EARS2: variants seen among roughly 807,000 people sequenced by gnomAD.
The protein encoded by EARS2 is glutamyl-tRNA synthetase 2, mitochondrial.
Under a neutral mutation model 54.1 loss-of-function variants are expected in EARS2, and 50 were observed. The ratio of observed to expected loss-of-function variants is 0.92; its 90% confidence interval spans 0.74 to 1.17. The LOEUF (loss-of-function observed/expected upper bound fraction) is 1.17, where lower values mean the gene tolerates loss of function less well. Ranked by LOEUF, EARS2 falls within the 50% of genes most tolerant of loss-of-function variation. EARS2 has a pLI of 0.00. For synonymous variants in EARS2, 298 were observed against 281.0 expected (o/e 1.06, Z -0.61); for missense variants, 673 against 675.0 (o/e 1.00, Z 0.03).
chr16:23,543,442 A>C lies in EARS2; in HGVS notation c.485+1072T>G, dbSNP rs536304462. Reference sequence around the variant, plus strand: ...AAAAAAACAACAACAACAACAACAAAAAAAAAACCAAAAAACCTGATCTGG... The same window carrying C: ...AAAAAAACAACAACAACAACAACAACAAAAAAACCAAAAAACCTGATCTGG... On this transcript the variant is annotated intron_variant, in intron 3 of 8. Transcript: ENST00000449606. Among the ~76,000 whole-genome samples the C allele has an allele frequency of 2.5e-3, 373 of 151,460 alleles. 3 individuals carry two copies. In the South Asian group the frequency reaches 0.033, roughly 14 times the overall value.
intron 3 of EARS2, among the ~76,000 whole-genome samples, chr16:23,541,579 T>C (rs1965512926): frequency 6.6e-6 from 1 of 152,210 alleles, no homozygotes; most frequent in Admixed American, 6.5e-5. Flanking sequence ...GTATATGTAC[T>C]GAATGTCTCT....
chr16:23,543,050 G>A (rs559286552), intron 3 of EARS2, among the ~76,000 whole-genome samples: 36 of 144,690 alleles, frequency 2.5e-4, no homozygotes, highest in Non-Finnish European at 3.7e-4. Context: ...GGGAGGTGGA[G>A]ACTGCAGTAA....
intron 3 of EARS2, among the ~76,000 whole-genome samples, chr16:23,537,708 G>A (rs1965444570): frequency 6.6e-6 from 1 of 151,886 alleles, no homozygotes; most frequent in Admixed American, 6.6e-5. Flanking sequence ...GAGCAGCTAG[G>A]ACTACAGGTA....
intron 7 of EARS2, among the ~76,000 whole-genome samples, chr16:23,528,933 C>A (rs1453925469): frequency 6.6e-6 from 1 of 152,164 alleles, no homozygotes; most frequent in African/African-American, 2.4e-5. Flanking sequence ...ACCTGATACA[C>A]AGCCTCTGCA....
intron 2 of EARS2, among the ~76,000 whole-genome samples, chr16:23,549,444 C>T (rs538920454): frequency 1.3e-5 from 2 of 152,300 alleles, no homozygotes; most frequent in Non-Finnish European, 2.9e-5. Flanking sequence ...AAGGCCCAAG[C>T]GAGGCCCCGA....
Position 23,529,916 on chromosome 16 carries a change from G to T in EARS2, c.1068-19C>A. The T allele has an allele frequency of 6.2e-7, 1 of 1,613,176 alleles. No individual in the cohort carries two copies. Among genetic ancestry groups the T allele is most frequent in the Non-Finnish European group, 8.5e-7 (1 of 1,179,648 alleles). On this transcript the variant is annotated intron_variant, in intron 5 of 8. Transcript: ENST00000449606. ...GTGCAGTCTGCGGAAGAAATCAAGG[G>T]GCTGCCCTGCTGTCAACACCCCAAC...
Position 23,529,840 on chromosome 16 carries a change from C to T in EARS2, c.1125G>A (p.Lys375=), listed in dbSNP as rs754022112. 6.2e-7 allele frequency: 1 copy of T among 1,614,198 alleles called. No individual in the cohort carries two copies. The highest frequency in any genetic ancestry group is 1.7e-5 in the Admixed American group (1 of 60,020). Residue 375 remains lysine, a synonymous_variant, in exon 6 of 9, where the codon AAG becomes AAA. Transcript: ENST00000449606. ...AGGCCTCCTCCACAAGGACCTGCAG[C>T]TTCCCCACCAGCTGGCGCCTCTGGC... The part of the protein sequence containing the change: ...NESQRRQLVG[K]LQVLVEEAFG...
rs202068725 is a variant in EARS2, at chr16:23,552,137, T to C, written c.295+12A>G. 1 of 1,611,082 alleles carries C rather than the reference T, an allele frequency of 6.2e-7. No individual in the cohort carries two copies. The highest frequency in any genetic ancestry group is 1.3e-5 in the African/African-American group (1 of 75,006). On this transcript the variant is annotated intron_variant, in intron 2 of 8. Transcript: ENST00000449606. The stretch of plus-strand genomic sequence containing the variant: ...CTTCCCTGCAGAAAGATCCTTTCTC[T>C]GCCAGGCTTACCTGCCCACTCCAGC...
chr16:23,544,449 C>T lies in EARS2; in HGVS notation c.485+65G>A, dbSNP rs575697734. ...AATACATGTTTAGGGGAATTTCTTA[C>T]GCAGCACAAGGTAACAAACACACCC... On this transcript the variant is annotated intron_variant, in intron 3 of 8. Coordinates refer to ENST00000449606, the MANE Select transcript of EARS2 (RefSeq NM_001083614.2). 225 of 1,488,334 alleles carry T rather than the reference C, an allele frequency of 1.5e-4. No individual in the cohort carries two copies. The African/African-American group carries it at 2.2e-3, about 15-fold the overall frequency. The allele number at this position is 1,488,334 out of a possible 1,614,324, so 92.2% of individuals were successfully genotyped here.
intron 7 of EARS2, 59 bp downstream of exon 7, chr16:23,529,443 A>C: frequency 6.3e-7 from 1 of 1,579,192 alleles, no homozygotes; most frequent in Middle Eastern, 1.7e-4. Context: ...AAAGAGAGCC[A>C]TGGGACAGAG....
At chr16:23,555,332 C>T (rs886728539) in intron 1 of EARS2, among the ~76,000 whole-genome samples, 2 of 152,080 alleles carry the variant, frequency 1.3e-5, no homozygotes, top group African/African-American at 4.8e-5. Context: ...CAAGAAAATA[C>T]AAAAATTAGC....
chr16:23,544,597 G>C lies in EARS2; in HGVS notation c.402C>G (p.Thr134=), dbSNP rs116657756. 13 of 1,613,876 alleles carry C rather than the reference G, an allele frequency of 8.1e-6. No homozygotes were observed. Among genetic ancestry groups the C allele is most frequent in the Non-Finnish European group, 1.1e-5 (13 of 1,179,978 alleles). The change falls in exon 3 of 9, where the codon ACC becomes ACG. Residue 134 remains threonine, a synonymous_variant. Coordinates refer to ENST00000449606, the MANE Select transcript of EARS2 (RefSeq NM_001083614.2). ...AGCAGAAACAGGGGTAAGCAGCTCC[G>C]GTCTTCAGCAGCGCTTCTGTGGCCT... is the stretch of plus-strand genomic sequence containing the variant. ...YAQATEALLK[T]GAAYPCFCSP...
chr16:23,534,025 C>A (rs2142170057), intron 4 of EARS2, among the ~76,000 whole-genome samples: 1 of 149,650 alleles, frequency 6.7e-6, no homozygotes, highest in South Asian at 2.1e-4. Context: ...CATTGCACTC[C>A]AGAATGGGGG....
chr16:23,535,309 C>G lies in EARS2; in HGVS notation c.537G>C (p.Leu179=), dbSNP rs1160362277. ...GGATCGCAGGCTTGGGGTCCTTGGC[C>G]AGCTTCTGGGCCACCTGCTCCTGGC... ...NMSQEQVAQK[L]AKDPKPAIRF... is the part of the protein sequence containing the mutation. Residue 179 remains leucine (L), a synonymous_variant, in exon 4 of 9, where the codon CTG becomes CTC. Transcript: ENST00000449606. The G allele has an allele frequency of 1.2e-6, 2 of 1,603,138 alleles. No homozygotes were observed. The highest frequency in any genetic ancestry group is 1.7e-6 in the Non-Finnish European group (2 of 1,179,958).
intron 1 of EARS2, 88 bp downstream of exon 1, chr16:23,557,117 C>A: frequency 6.8e-7 from 1 of 1,472,014 alleles, no homozygotes; most frequent in South Asian, 1.4e-5. Flanking sequence ...CACTCTGACA[C>A]CACCGGAAAG....
chr16:23,524,690 A>G (rs961667004), intron 8 of EARS2, among the ~76,000 whole-genome samples: 1 of 139,294 alleles, frequency 7.2e-6, no homozygotes, highest in African/African-American at 2.7e-5. Flanking sequence ...TCTATCACCC[A>G]GGCTGGAATA....
chr16:23,529,490 G>C lies in EARS2; in HGVS notation c.1352+12C>G. ...GGGTGTGGAACCCTGAGCTCAGCCTGCGGGTACTCACCCCAGCACACGCTT... is the reference window on the plus strand; with the variant it reads ...GGGTGTGGAACCCTGAGCTCAGCCTCCGGGTACTCACCCCAGCACACGCTT... On this transcript the variant is annotated intron_variant, in intron 7 of 8. Coordinates refer to ENST00000449606, the MANE Select transcript of EARS2 (RefSeq NM_001083614.2). 6.2e-7 allele frequency: 1 copy of C among 1,612,400 alleles called. No individual in the cohort carries two copies. The highest frequency in any genetic ancestry group is 8.5e-7 in the Non-Finnish European group (1 of 1,178,956).
Position 23,535,047 on chromosome 16 carries a change from G to A in EARS2, c.799C>T (p.Gln267Ter). 1 of 1,609,164 alleles carries A rather than the reference G, an allele frequency of 6.2e-7. No individual in the cohort carries two copies. The highest frequency in any genetic ancestry group is 1.1e-5 in the South Asian group (1 of 90,358). The change falls in exon 4 of 9, where the codon CAG becomes TAG. Residue 267 changes from glutamine to a stop codon, truncating the protein, a stop_gained. Coordinates refer to ENST00000449606, the MANE Select transcript of EARS2 (RefSeq NM_001083614.2). LOFTEE classifies it high-confidence loss of function. ...HLLLYQALGW[Q>*]PPHFAHLPLL... ...GGCAGGTGGGCGAAGTGGGGTGGCT[G>A]CCAGCCCAGGGCCTGGTAGAGGAGC... is the stretch of plus-strand genomic sequence containing the variant.
intron 3 of EARS2, among the ~76,000 whole-genome samples, chr16:23,542,316 CTTTTTTTTTT>C (rs745418385): frequency 2.1e-5 from 2 of 93,696 alleles, no homozygotes; most frequent in Non-Finnish European, 3.9e-5. Context: ...TTTCATTTTT[CTTTTTTTTTT>C]TTTTTTTTTT....
Sources: allele counts gnomAD v4.1 joint callset (sites outside exome capture counted in the v4.1 genomes callset), GRCh38; gene constraint gnomAD v4.1.1; transcripts MANE v1.5; gene names NCBI Gene and HGNC (gene_info 2026-07-23, HGNC 2026-07-21).